SEPTIN4: variants seen among roughly 807,000 people sequenced by gnomAD.
SEPTIN4 encodes septin 4, also known as septin-4.
SEPTIN4 carries 52 observed loss-of-function variants against 107.1 expected under a neutral mutation model. The observed-to-expected ratio is 0.49, with a 90% confidence interval of 0.39 to 0.61. The LOEUF (loss-of-function observed/expected upper bound fraction) is 0.61. Ranked by LOEUF, SEPTIN4 falls within the 20% of genes least tolerant of loss-of-function variation. The pLI is 0.00. For missense variants in SEPTIN4, 1,048 were observed against 1,243.5 expected (o/e 0.84, Z 2.36); for synonymous variants, 417 against 467.0 (o/e 0.89, Z 1.38).
chr17:58,526,194 C>A (rs1277500958), intron 5 of SEPTIN4, 26 bp downstream of exon 5: 1 of 1,558,726 alleles, frequency 6.4e-7, no homozygotes, highest in South Asian at 1.2e-5. Flanking sequence ...CACACCCTGC[C>A]CAACCCAGCC....
chr17:58,521,513 G>A lies in SEPTIN4; in HGVS notation c.2571+32C>T. On this transcript the variant is annotated intron_variant, in intron 10 of 13. Transcript: ENST00000672673. This position sits in a 1 kb window ranked among gnomAD's most constrained non-coding sequence, Gnocchi z 6.4. ...CCCTTTTTCTACCCGGAAGAAATAA[G>A]ATAGGAATGGGATGCCCTAGAGTGG... is the stretch of plus-strand genomic sequence containing the variant. 4 of 1,608,178 alleles carry A rather than the reference G, an allele frequency of 2.5e-6. No homozygotes were observed. Among genetic ancestry groups the A allele is most frequent in the Non-Finnish European group, 3.4e-6 (4 of 1,174,710 alleles).
Position 58,543,434 on chromosome 17 carries a change from A to C in SEPTIN4, c.753T>G (p.Gly251=). 1 of 1,614,162 alleles carries C rather than the reference A, an allele frequency of 6.2e-7. No individual in the cohort carries two copies. Among genetic ancestry groups the C allele is most frequent in the Non-Finnish European group, 8.5e-7 (1 of 1,180,028 alleles). Reference sequence around the variant, plus strand: ...GTTTTGAAGGAATTGGACCGTAAGGACCTGTTTCTGATTCTTCTACAGGGA... The same window carrying C: ...GTTTTGAAGGAATTGGACCGTAAGGCCCTGTTTCTGATTCTTCTACAGGGA... ...RRVPVEESET[G]PYGPIPSKPK... is the part of the protein sequence containing the mutation. Residue 251 remains glycine, a synonymous_variant, in exon 1 of 14, where the codon GGT becomes GGG. Transcript: ENST00000672673.
chr17:58,525,329 C>G, intron 6 of SEPTIN4, 128 bp from the exon 7 acceptor site: 1 of 1,146,920 alleles, frequency 8.7e-7, no homozygotes, highest in Non-Finnish European at 1.2e-6. Context: ...CACTCCCAAG[C>G]TGTCTGGGGG....
chr17:58,534,261 C>T (rs1204410362), intron 3 of SEPTIN4, among the ~76,000 whole-genome samples: 1 of 152,258 alleles, frequency 6.6e-6, no homozygotes, highest in Non-Finnish European at 1.5e-5. Flanking sequence ...CCCACCTGCA[C>T]AAGCCCTGCA....
At chr17:58,526,574 A>ACACACC (rs1491403089) in intron 4 of SEPTIN4, 108 bp downstream of exon 4, 5 of 390,394 alleles carry the variant, frequency 1.3e-5, no homozygotes, top group Non-Finnish European at 1.7e-5. Context: ...ACACACACAA[A>ACACACC]CACACACACA....
At chr17:58,534,374 C>G (rs1004705986) in intron 3 of SEPTIN4, among the ~76,000 whole-genome samples, 4 of 152,234 alleles carry the variant, frequency 2.6e-5, no homozygotes, top group African/African-American at 9.6e-5. Flanking sequence ...GTCCCTTGCC[C>G]TCTCTGGGCC....
chr17:58,528,155 G>GA (rs2043137374), intron 3 of SEPTIN4: 1 of 353,904 alleles, frequency 2.8e-6, no homozygotes, highest in Admixed American at 6.5e-5. Flanking sequence ...AGCCAGTGGG[G>GA]ACTACCCCAG....
At chr17:58,531,639 T>C in intron 3 of SEPTIN4, 1 of 182,298 alleles carries the variant, frequency 5.5e-6, no homozygotes. Flanking sequence ...CGCTTATTAC[T>C]GATGCGCCTT....
At chr17:58,525,451 G>A (rs774189249) in intron 6 of SEPTIN4, 66 of 611,282 alleles carry the variant, frequency 1.1e-4, no homozygotes, top group Non-Finnish European at 1.7e-4. Context: ...TTGGATTCCT[G>A]GAATCCTTGG....
At position 58,521,212 on chromosome 17, in the gene SEPTIN4, T is replaced by G. The variant is rs750669828; in HGVS notation, c.2668+42A>C. Reference sequence around the variant, plus strand: ...AGAGGCATAGGTAGGGGAGAGCCACTGAGGGCAAGGAGATACCCTGGTCAC... The same window carrying G: ...AGAGGCATAGGTAGGGGAGAGCCACGGAGGGCAAGGAGATACCCTGGTCAC... On this transcript the variant is annotated intron_variant, in intron 11 of 13. Coordinates refer to ENST00000672673, the MANE Select transcript of SEPTIN4 (RefSeq NM_001368771.2). The surrounding 1 kb of genome is among the most constrained non-coding windows in gnomAD (Gnocchi z 6.4). 4 of 1,614,150 alleles carry G rather than the reference T, an allele frequency of 2.5e-6. No homozygotes were observed. Among genetic ancestry groups the G allele is most frequent in the Non-Finnish European group, 3.4e-6 (4 of 1,179,982 alleles).
At chr17:58,539,087 C>G in intron 3 of SEPTIN4, 1 of 1,467,940 alleles carries the variant, frequency 6.8e-7, no homozygotes, top group Non-Finnish European at 9.1e-7. Flanking sequence ...TAGAGAGCAC[C>G]TGGCCCATCT....
chr17:58,541,099 C>G (rs1454548092), intron 2 of SEPTIN4, among the ~76,000 whole-genome samples: 1 of 152,208 alleles, frequency 6.6e-6, no homozygotes, highest in Non-Finnish European at 1.5e-5. Context: ...CTCTGAGGAG[C>G]AGGACTGCCC....
At chr17:58,527,003 T>C (rs2042980793) in intron 3 of SEPTIN4, 25 bp from the exon 4 acceptor site, 1 of 1,613,112 alleles carries the variant, frequency 6.2e-7, no homozygotes, top group African/African-American at 1.3e-5. Flanking sequence ...GTGGGTAGAA[T>C]AGATGGGTGG....
rs529773855 is a variant in SEPTIN4 at position 58,533,072 on chromosome 17, G to T, written c.1615-6094C>A. Among the ~76,000 whole-genome samples the T allele has an allele frequency of 4.6e-5, 7 of 152,324 alleles. No individual in the cohort carries two copies. The East Asian group carries it at 1.3e-3, about 29-fold the overall frequency. ...GAGACCCACAGGCACGGCCCTCTCT[G>T]TTGGTAGAAGTGCCAGAGGCCTGCC... On this transcript the variant is annotated intron_variant, in intron 3 of 13. Coordinates refer to ENST00000672673, the MANE Select transcript of SEPTIN4 (RefSeq NM_001368771.2).
chr17:58,521,759 C>T lies in SEPTIN4; in HGVS notation c.2446G>A (p.Glu816Lys), dbSNP rs1312567929. ...LAKADTLTPP[E>K]VDHKKRKIRE... The stretch of plus-strand genomic sequence containing the variant: ...ACTTTGCGTTTCTTGTGGTCCACTT[C>T]GGGAGGTGTCAGTGTGTCTGCCTTA... The change falls in exon 9 of 14, where the codon GAA becomes AAA. Residue 816 changes from glutamate to lysine, a missense_variant. By Grantham distance (56) the Glu-to-Lys change is moderately conservative. Coordinates refer to ENST00000672673, the MANE Select transcript of SEPTIN4 (RefSeq NM_001368771.2). The surrounding 1 kb of genome is among the most constrained non-coding windows in gnomAD (Gnocchi z 6.4). 2 of 1,614,230 alleles carry T rather than the reference C, an allele frequency of 1.2e-6. No individual in the cohort carries two copies. Among genetic ancestry groups the T allele is most frequent in the African/African-American group, 1.3e-5 (1 of 75,058 alleles).
At position 58,541,937 on chromosome 17, in the gene SEPTIN4, T is replaced by A. The variant is rs754010302; in HGVS notation, c.1591A>T (p.Ile531Phe). ...AAGCACAGACCTTTTAGCCACCAGA[T>A]GACACGATTGTACATTTCCTCAGAG... ...DVSEEMYNRVIWWLKDEEIKR... is the reference protein window; with the variant it reads ...DVSEEMYNRVFWWLKDEEIKR... Residue 531 changes from isoleucine (I) to phenylalanine (F), a missense_variant, in exon 2 of 14, where the codon ATC becomes TTC. By Grantham distance (21) the Ile-to-Phe change is conservative (BLOSUM62 0). Coordinates refer to ENST00000672673, the MANE Select transcript of SEPTIN4 (RefSeq NM_001368771.2). The A allele has an allele frequency of 4.3e-6, 7 of 1,614,072 alleles. No homozygotes were observed. The highest frequency in any genetic ancestry group is 5.9e-6 in the Non-Finnish European group (7 of 1,179,988).
At chr17:58,532,946 C>T (rs1024702383) in intron 3 of SEPTIN4, among the ~76,000 whole-genome samples, 2 of 152,184 alleles carry the variant, frequency 1.3e-5, no homozygotes, top group East Asian at 3.9e-4. Flanking sequence ...TGGTCAGGCT[C>T]CTGTGGAAGT....
rs1238378500 is a variant in SEPTIN4, at chr17:58,525,656, C to T, written c.2092+39G>A. 4 of 1,577,954 alleles carry T rather than the reference C, an allele frequency of 2.5e-6. No individual in the cohort carries two copies. In the Admixed American group the frequency reaches 6.7e-5, roughly 26 times the overall value. On this transcript the variant is annotated intron_variant, in intron 6 of 13. Transcript: ENST00000672673. ...CAGACTCTGGAGTGAGTTTAATTTC[C>T]CAAGGCAAGTCTGCCTGATTGTCCT...
intron 3 of SEPTIN4, chr17:58,532,029 C>T (rs929477407): frequency 3.5e-6 from 4 of 1,128,546 alleles, no homozygotes; most frequent in South Asian, 4.3e-5. Flanking sequence ...CGGAGCTGCG[C>T]GCCGACCTCG....
Sources: allele counts gnomAD v4.1 joint callset (sites outside exome capture counted in the v4.1 genomes callset), GRCh38; gene constraint gnomAD v4.1.1; non-coding constraint Gnocchi (gnomAD v3.1); transcripts MANE v1.5; gene names NCBI Gene and HGNC (gene_info 2026-07-23, HGNC 2026-07-21).